The following PCDHA7 variants were observed in gnomAD, a reference collection of about 807,000 sequenced individuals.
PCDHA7 encodes the protein protocadherin alpha-7.
In PCDHA7, 37 loss-of-function variants were observed where a neutral mutation model predicts 57.2. The ratio of observed to expected loss-of-function variants is 0.65; its 90% CI spans 0.50 to 0.85. The LOEUF is 0.85. Ranked by LOEUF, PCDHA7 falls within the 40% of genes least tolerant of loss-of-function variation. The pLI, the probability that PCDHA7 is intolerant of heterozygous loss-of-function variation, is 0.00. For missense variants in PCDHA7, 1,188 were observed against 1,241.8 expected, an observed-to-expected ratio of 0.96 and a Z score of 0.65; for synonymous variants, 553 against 558.8, an observed-to-expected ratio of 0.99 and a Z score of 0.15.
rs2150351711 is a variant in PCDHA7 at position 140,843,069 on chromosome 5, G to C, written c.2355+6331G>C. On this transcript the variant is annotated intron_variant, in intron 1 of 3. Coordinates refer to ENST00000525929, the MANE Select transcript of PCDHA7 (RefSeq NM_018910.3). ...GGCGCAGCGAGCAAGCTGGTGCCGC[G>C]GTCTGTGGGCGCGGGCCACGTGGTA... The C allele has an allele frequency of 1.6e-5, 26 of 1,595,200 alleles. 3 individuals carry two copies. Among genetic ancestry groups the C allele is most frequent in the Non-Finnish European group, 2.2e-5 (26 of 1,165,304 alleles).
chr5:140,918,072 T>C (rs1271495774), intron 1 of PCDHA7, among the ~76,000 whole-genome samples: 1 of 152,142 alleles, frequency 6.6e-6, no homozygotes, highest in Non-Finnish European at 1.5e-5. Flanking sequence ...TTTCTTTCAG[T>C]AGTGTTTTAT....
At chr5:140,864,188 T>C (rs1367092956) in intron 1 of PCDHA7, 1 of 152,142 alleles carries the variant, frequency 6.6e-6, no homozygotes, top group Non-Finnish European at 1.5e-5. Flanking sequence ...TGAATAATGA[T>C]CCTTATGAGA....
intron 1 of PCDHA7, chr5:140,884,747 T>A: frequency 7.0e-7 from 1 of 1,433,190 alleles, no homozygotes; most frequent in African/African-American, 1.4e-5. Context: ...TCCTGCCAAT[T>A]TCAAATTATT....
chr5:140,982,488 G>C lies in PCDHA7; in HGVS notation c.2428G>C (p.Glu810Gln), dbSNP rs782419098. 3 of 1,614,212 alleles carry C rather than the reference G, an allele frequency of 1.9e-6. No individual in the cohort carries two copies. Among genetic ancestry groups the C allele is most frequent in the Non-Finnish European group, 2.5e-6 (3 of 1,180,036 alleles). The change falls in exon 3 of 4, where the codon GAG becomes CAG. Residue 810 changes from glutamate to glutamine, a missense_variant. Glu to Gln is a conservative substitution (Grantham distance 29). This residue lies in a region of PCDHA7 where 892 missense variants were observed against 788.5 expected (regional missense o/e 1.13). Coordinates refer to ENST00000525929, the MANE Select transcript of PCDHA7 (RefSeq NM_018910.3). ...RAGMHSSVHLEEAGILRAGPG... is the reference protein window; with the variant it reads ...RAGMHSSVHLQEAGILRAGPG... The stretch of plus-strand genomic sequence containing the variant: ...GTGTTTATTCAGCTCTGTGCACCTA[G>C]AGGAGGCTGGCATTCTACGGGCTGG...
rs191954731 is a variant in PCDHA7 at position 140,913,936 on chromosome 5, A to G, written c.2356-65013A>G. Among the ~76,000 whole-genome samples the G allele has an allele frequency of 7.5e-3, 1,149 of 152,268 alleles. 4 individuals are homozygous for G. Among genetic ancestry groups the G allele is most frequent in the Admixed American group, 0.013 (194 of 15,286 alleles). ...AATTTTACTTCATTGTGGTCAGAGA[A>G]GAATCTTGATATGATATCATTTTTA... On this transcript the variant is annotated intron_variant, in intron 1 of 3. Transcript: ENST00000525929.
intron 1 of PCDHA7, among the ~76,000 whole-genome samples, chr5:140,920,281 A>G (rs1227812998): frequency 6.6e-6 from 1 of 152,176 alleles, no homozygotes; most frequent in Admixed American, 6.5e-5. Flanking sequence ...GTAATCTTAT[A>G]TTTTTTAGAG....
intron 1 of PCDHA7, among the ~76,000 whole-genome samples, chr5:140,954,350 GA>G (rs1255818394): frequency 6.6e-6 from 1 of 152,156 alleles, no homozygotes; most frequent in Non-Finnish European, 1.5e-5. Context: ...GATCTTTGAG[GA>G]ATCGCCACAC....
chr5:140,890,737 T>C (rs926717911), intron 1 of PCDHA7, among the ~76,000 whole-genome samples: 1 of 152,240 alleles, frequency 6.6e-6, no homozygotes. Flanking sequence ...TTGACTTATA[T>C]ACTATTTCTG....
intron 1 of PCDHA7, 54 bp downstream of exon 1, chr5:140,836,792 G>T (rs2150269946): frequency 7.1e-7 from 1 of 1,416,460 alleles, no homozygotes; most frequent in Non-Finnish European, 9.6e-7. Context: ...AGTTCAATTG[G>T]TCTCCTTAAA....
rs2150245385 is a variant in PCDHA7 at position 140,835,811 on chromosome 5, T to G, written c.1428T>G (p.Thr476=). 44 of 1,612,792 alleles carry G rather than the reference T, an allele frequency of 2.7e-5. No individual in the cohort carries two copies. The highest frequency in any genetic ancestry group is 9.3e-5 in the African/African-American group (7 of 74,896). Residue 476 remains threonine (T), a synonymous_variant, in exon 1 of 4, where the codon ACT becomes ACG. Coordinates refer to ENST00000525929, the MANE Select transcript of PCDHA7 (RefSeq NM_018910.3). The stretch of plus-strand genomic sequence containing the variant: ...ACCCGCCGGGCTGCCACATCTTCAC[T>G]GTGTCGGCGGGGGACGCGGACGCGC... The part of the protein sequence containing the change: ...ENNPPGCHIF[T]VSAGDADAQK...
At chr5:140,865,143 T>C (rs142181937) in intron 1 of PCDHA7, 3 of 152,352 alleles carry the variant, frequency 2.0e-5, no homozygotes, top group Admixed American at 1.3e-4. Context: ...GAATTTAACA[T>C]TGTATACTTT....
intron 1 of PCDHA7, chr5:140,863,034 A>T (rs782534693): frequency 1.8e-6 from 1 of 557,814 alleles, no homozygotes; most frequent in Non-Finnish European, 3.5e-6. Flanking sequence ...CAACAGCTGC[A>T]TCTGTCAGCT....
At chr5:140,981,284 G>A (rs1554242765) in intron 2 of PCDHA7, among the ~76,000 whole-genome samples, 4 of 152,094 alleles carry the variant, frequency 2.6e-5, no homozygotes, top group Non-Finnish European at 5.9e-5. Context: ...GTTTAAAAGG[G>A]TCCTCTAGTC....
intron 1 of PCDHA7, chr5:140,856,826 G>A (rs370105926): frequency 3.8e-6 from 6 of 1,592,454 alleles, no homozygotes; most frequent in Non-Finnish European, 4.3e-6. Flanking sequence ...CCAAACATTA[G>A]TAATACGGCT....
At chr5:140,854,998 A>G (rs2043301191) in intron 1 of PCDHA7, among the ~76,000 whole-genome samples, 1 of 149,868 alleles carries the variant, frequency 6.7e-6, no homozygotes, top group East Asian at 1.9e-4. Flanking sequence ...TTGCCCGTGT[A>G]AGATATTATA....
rs782778779 is a variant in PCDHA7, at chr5:140,858,081, C to T, written c.2355+21343C>T. ...GAGGGCAGCCAGGCACCCAAGGCCT[C>T]GTCGCGGGCTTCAGTGGGCGTGGCG... On this transcript the variant is annotated intron_variant, in intron 1 of 3. Transcript: ENST00000525929. The T allele has an allele frequency of 6.9e-6, 11 of 1,597,646 alleles. 3 individuals are homozygous for T. The highest frequency in any genetic ancestry group is 1.7e-5 in the Admixed American group (1 of 59,270).
Position 140,836,023 on chromosome 5 carries a change from G to A in PCDHA7, c.1640G>A (p.Ser547Asn). Residue 547 changes from serine to asparagine, a missense_variant, in exon 1 of 4, where the codon AGC (serine) becomes AAC (asparagine). Around this residue, in one of 3 missense-constraint regions of PCDHA7, gnomAD observed 892 missense variants for 788.5 expected, o/e 1.13. Coordinates refer to ENST00000525929, the MANE Select transcript of PCDHA7 (RefSeq NM_018910.3). Reference protein sequence around the residue: ...ARDAGVPPLGSNVTLQVFVLD... With the variant: ...ARDAGVPPLGNNVTLQVFVLD... ...GATGCGGGCGTGCCGCCTCTGGGCA[G>A]CAACGTGACGCTGCAGGTGTTCGTG... 7 of 1,613,414 alleles carry A rather than the reference G, an allele frequency of 4.3e-6. No homozygotes were observed. The highest frequency in any genetic ancestry group is 5.9e-6 in the Non-Finnish European group (7 of 1,179,728).
At chr5:140,918,967 C>T (rs1461992761) in intron 1 of PCDHA7, among the ~76,000 whole-genome samples, 1 of 152,164 alleles carries the variant, frequency 6.6e-6, no homozygotes, top group Non-Finnish European at 1.5e-5. Context: ...AGACAGATAT[C>T]GTTTAGGTTA....
At chr5:140,840,223 T>A (rs1776612782) in intron 1 of PCDHA7, among the ~76,000 whole-genome samples, 1 of 151,924 alleles carries the variant, frequency 6.6e-6, no homozygotes, top group African/African-American at 2.4e-5. Flanking sequence ...TACATATGAG[T>A]AAATGTGGAG....
Sources: allele counts gnomAD v4.1 joint callset (sites outside exome capture counted in the v4.1 genomes callset), GRCh38; gene constraint gnomAD v4.1.1; regional missense constraint gnomAD v4.1.1; transcripts MANE v1.5; gene names NCBI Gene and HGNC (gene_info 2026-07-23, HGNC 2026-07-21).